Variants in SUSD3 observed in about 807,000 individuals in gnomAD.
The protein encoded by SUSD3 is sushi domain containing 3, also known as sushi domain-containing protein 3.
In SUSD3, 18 loss-of-function variants were observed where a neutral mutation model predicts 20.6. The observed-to-expected ratio is 0.87, with a 90% CI of 0.60 to 1.30. The LOEUF (loss-of-function observed/expected upper bound fraction) is 1.30. Ranked by LOEUF, SUSD3 falls within the 50% of genes most tolerant of loss-of-function variation. The pLI is 0.00. For synonymous variants in SUSD3, 137 were observed against 141.5 expected (o/e 0.97, Z 0.23); for missense variants, 306 against 346.9 (o/e 0.88, Z 0.94).
At chr9:93,077,737 C>A in intron 2 of SUSD3, 109 bp from the exon 3 acceptor site, 1 of 1,187,458 alleles carries the variant, frequency 8.4e-7, no homozygotes, top group Non-Finnish European at 1.2e-6. Context: ...GCTGCCCAGG[C>A]CCTGTCTACA....
chr9:93,059,695 C>T (rs760699491), intron 1 of SUSD3, among the ~76,000 whole-genome samples: 40 of 152,064 alleles, frequency 2.6e-4, no homozygotes, highest in African/African-American at 9.4e-4. Flanking sequence ...AGCTGAGGCC[C>T]GGAGTGGGGT....
At chr9:93,063,348 C>T (rs1004403747) in intron 1 of SUSD3, among the ~76,000 whole-genome samples, 2 of 152,210 alleles carry the variant, frequency 1.3e-5, no homozygotes, top group African/African-American at 2.4e-5. Context: ...TAGGGCAGTC[C>T]TGCTCTTCCC....
rs150844883 is a variant in SUSD3 at position 93,074,233 on chromosome 9, A to C, written c.89-1551A>C. Among the ~76,000 whole-genome samples, 686 of 152,162 alleles carry C rather than the reference A, an allele frequency of 4.5e-3. 3 individuals carry two copies. Among genetic ancestry groups the C allele is most frequent in the Non-Finnish European group, 6.0e-3 (408 of 67,992 alleles). On this transcript the variant is annotated intron_variant, in intron 1 of 4. Transcript: ENST00000375472. ...GCCAAGGCGGCCGGATCACGAGGTCATCATGGCCAACATGGTGAAACCCCG... is the reference window on the plus strand; with the variant it reads ...GCCAAGGCGGCCGGATCACGAGGTCCTCATGGCCAACATGGTGAAACCCCG...
chr9:93,075,816 G>C lies in SUSD3; in HGVS notation c.121G>C (p.Ala41Pro). 2 of 1,424,958 alleles carry C rather than the reference G, an allele frequency of 1.4e-6. No individual in the cohort carries two copies. Among genetic ancestry groups the C allele is most frequent in the Non-Finnish European group, 1.9e-6 (2 of 1,065,212 alleles). The allele number at this position is 1,424,958 out of a possible 1,614,324, so 88.3% of individuals were successfully genotyped here. ...CGCTAAGCTGCGGCTACCCCCGCAA[G>C]CAACCTTCCAAGTCCTTCGTGGCAA... is the stretch of plus-strand genomic sequence containing the variant. ...TCAKLRLPPQ[A>P]TFQVLRGNGA... Residue 41 changes from alanine (A) to proline (P), a missense_variant, in exon 2 of 5, where the codon GCA (alanine) becomes CCA (proline). By Grantham distance (27) the Ala-to-Pro change is conservative. Coordinates refer to ENST00000375472, the MANE Select transcript of SUSD3 (RefSeq NM_145006.4).
chr9:93,079,460 C>T lies in SUSD3; in HGVS notation c.426-11C>T. ...CATGCTCAGAGTCCTTCCTCCCAAA[C>T]TCTCCTCCAGGTCAGCCCAGCTGTG... On this transcript the variant is annotated splice_polypyrimidine_tract_variant and intron_variant, in intron 3 of 4. Coordinates refer to ENST00000375472, the MANE Select transcript of SUSD3 (RefSeq NM_145006.4). 6.2e-7 allele frequency: 1 copy of T among 1,613,572 alleles called. No homozygotes were observed. The highest frequency in any genetic ancestry group is 8.5e-7 in the Non-Finnish European group (1 of 1,179,678).
rs780801246 is a variant in SUSD3, at chr9:93,079,537, C to G, written c.492C>G (p.Gly164=). ...AGACGGTGCAGGCCGCATACCTTGG[C>G]CTCAAGCACTTCAACAAACCCGTGA... The part of the protein sequence containing the change: ...DLETVQAAYL[G]LKHFNKPVSG... Residue 164 remains glycine (G), a synonymous_variant, in exon 4 of 5, where the codon GGC becomes GGG. Coordinates refer to ENST00000375472, the MANE Select transcript of SUSD3 (RefSeq NM_145006.4). 4 of 1,614,182 alleles carry G rather than the reference C, an allele frequency of 2.5e-6. No individual in the cohort carries two copies. The highest frequency in any genetic ancestry group is 3.3e-5 in the Admixed American group (2 of 60,032).
intron 1 of SUSD3, among the ~76,000 whole-genome samples, chr9:93,061,453 T>C (rs563380713): frequency 6.6e-6 from 1 of 152,386 alleles, no homozygotes; most frequent in Admixed American, 6.5e-5. Flanking sequence ...CCACCAGGGA[T>C]GTGGGAGTAC....
chr9:93,069,505 C>T (rs10821064), intron 1 of SUSD3, among the ~76,000 whole-genome samples: 11,686 of 152,172 alleles, frequency 0.077, 500 homozygotes, highest in South Asian at 0.11. Flanking sequence ...CTTTCAACAA[C>T]GTTTTGTAGT....
rs1486259160 is a variant in SUSD3 at position 93,079,468 on chromosome 9, C to T, written c.426-3C>T. On this transcript the variant is annotated splice_region_variant and splice_polypyrimidine_tract_variant and intron_variant, in intron 3 of 4. Transcript: ENST00000375472. ...GAGTCCTTCCTCCCAAACTCTCCTCCAGGTCAGCCCAGCTGTGGTCCCAGC... is the reference window on the plus strand; with the variant it reads ...GAGTCCTTCCTCCCAAACTCTCCTCTAGGTCAGCCCAGCTGTGGTCCCAGC... 1.9e-6 allele frequency: 3 copies of T among 1,613,694 alleles called. No individual in the cohort carries two copies. Among genetic ancestry groups the T allele is most frequent in the Non-Finnish European group, 2.5e-6 (3 of 1,179,842 alleles).
chr9:93,068,988 T>G (rs549238839), intron 1 of SUSD3: 3 of 581,982 alleles, frequency 5.2e-6, no homozygotes, highest in African/African-American at 3.7e-5. Flanking sequence ...TATATTATAA[T>G]AAGAGTAATG....
At chr9:93,074,633 T>G (rs1340622923) in intron 1 of SUSD3, among the ~76,000 whole-genome samples, 1 of 145,964 alleles carries the variant, frequency 6.9e-6, no homozygotes, top group African/African-American at 2.6e-5. Flanking sequence ...TTTTTTTTTT[T>G]TTTTTGAGAT....
chr9:93,067,711 C>A (rs1825770780), intron 1 of SUSD3, among the ~76,000 whole-genome samples: 2 of 152,042 alleles, frequency 1.3e-5, no homozygotes, highest in Non-Finnish European at 2.9e-5. Context: ...GATACTCCTG[C>A]CTCAGCCTCT....
rs991673603 is a variant in SUSD3 at position 93,058,786 on chromosome 9, G to A, written c.44G>A (p.Arg15Gln). The change falls in exon 1 of 5, where the codon CGG becomes CAG. Residue 15 changes from arginine (R) to glutamine (Q), a missense_variant. Arg to Gln is a conservative substitution (Grantham distance 43). Transcript: ENST00000375472. ...ACCCTCCGTGGCAAGGCGAGGCCCC[G>A]GGGGCGGGCCGGGGTCACCACGCCT... The part of the protein sequence containing the change: ...AATLRGKARP[R>Q]GRAGVTTPAP... The A allele has an allele frequency of 2.7e-5, 33 of 1,241,318 alleles. No homozygotes were observed. Among genetic ancestry groups the A allele is most frequent in the Non-Finnish European group, 3.3e-5 (33 of 992,626 alleles). 76.9% of individuals were successfully genotyped at this position (1,241,318 alleles called of 1,614,324 possible). A position where few individuals can be genotyped will look rare whatever the true frequency, so the allele number is the denominator to read the frequency against.
At chr9:93,072,670 G>T (rs905860442) in intron 1 of SUSD3, among the ~76,000 whole-genome samples, 3 of 152,192 alleles carry the variant, frequency 2.0e-5, no homozygotes, top group African/African-American at 7.2e-5. Flanking sequence ...CCTTGCCTGG[G>T]CACACAGCCA....
At chr9:93,071,457 A>G (rs1587906879) in intron 1 of SUSD3, among the ~76,000 whole-genome samples, 1 of 152,226 alleles carries the variant, frequency 6.6e-6, no homozygotes, top group Non-Finnish European at 1.5e-5. Flanking sequence ...GATGAAGGTC[A>G]GAAGATTCAG....
intron 2 of SUSD3, 101 bp from the exon 3 acceptor site, chr9:93,077,745 A>T: frequency 7.6e-7 from 1 of 1,311,176 alleles, no homozygotes; most frequent in Non-Finnish European, 1.1e-6. Flanking sequence ...GGCCCTGTCT[A>T]CACCCAGGCC....
chr9:93,083,234 C>T (rs1267234793), intron 4 of SUSD3, among the ~76,000 whole-genome samples: 2 of 152,172 alleles, frequency 1.3e-5, no homozygotes, highest in Non-Finnish European at 2.9e-5. Flanking sequence ...CTTCCCGGAG[C>T]TCTCTCACAC....
In SUSD3 at chr9:93,084,975, T is replaced by C. The variant is rs1826596289; in HGVS notation, c.*228T>C. The C allele has an allele frequency of 4.7e-6, 2 of 423,476 alleles. No individual in the cohort carries two copies. Among genetic ancestry groups the C allele is most frequent in the Non-Finnish European group, 8.3e-6 (2 of 241,602 alleles). The allele number at this position is 423,476 out of a possible 1,614,324, so 26.2% of individuals were successfully genotyped here. On this transcript the variant is annotated 3_prime_UTR_variant, in exon 5 of 5. Transcript: ENST00000375472. ...CATATCCTGGCCGTAACGATTTTTA[T>C]AGTTATGGACTACTTGAAACCACTA...
At chr9:93,082,815 C>T (rs1587924295) in intron 4 of SUSD3, among the ~76,000 whole-genome samples, 1 of 152,306 alleles carries the variant, frequency 6.6e-6, no homozygotes, top group African/African-American at 2.4e-5. Context: ...GGAACAATTG[C>T]CTCTCAAGGC....
Sources: allele counts gnomAD v4.1 joint callset (sites outside exome capture counted in the v4.1 genomes callset), GRCh38; gene constraint gnomAD v4.1.1; transcripts MANE v1.5; gene names NCBI Gene and HGNC (gene_info 2026-07-23, HGNC 2026-07-21).